ADAM9: variants seen among roughly 807,000 people sequenced by gnomAD.
ADAM9 encodes the protein disintegrin and metalloproteinase domain-containing protein 9.
In ADAM9, 54 loss-of-function variants were observed where a neutral mutation model predicts 108.1. That is an observed-to-expected ratio of 0.50 (90% CI 0.40 to 0.63). ADAM9 has a LOEUF of 0.63. ADAM9 is among the 20% of genes least tolerant of loss of function. The probability of loss-of-function intolerance (pLI) is 0.00; values close to 1 mark genes in which losing one functional copy is unlikely to be tolerated. For missense variants in ADAM9, 830 were observed against 997.7 expected, an observed-to-expected ratio of 0.83 and a Z score of 2.26; for synonymous variants, 316 against 336.0, an observed-to-expected ratio of 0.94 and a Z score of 0.65.
intron 2 of ADAM9, 65 bp from the exon 3 acceptor site, chr8:39,011,593 T>G: frequency 3.8e-4 from 542 of 1,411,968 alleles, no homozygotes; most frequent in Non-Finnish European, 4.9e-4. Flanking sequence ...ATCTTATAAA[T>G]GAGATGTTGT....
At position 39,101,884 on chromosome 8, in the gene ADAM9, G is replaced by T; in HGVS notation, c.2320G>T (p.Ala774Ser). The part of the protein sequence containing the change: ...REVPIYANRF[A>S]VPTYAAKQPQ... ...TTAGCCTATATATGCAAACAGATTT[G>T]CAGTACCAACCTATGCAGCCAAGCA... The change falls in exon 21 of 22, where the codon GCA becomes TCA. Residue 774 changes from alanine to serine, a missense_variant. Ala to Ser is a moderately conservative substitution (Grantham distance 99). This residue lies in a region of ADAM9 where 238 missense variants were observed against 235.7 expected (regional missense o/e 1.01). Coordinates refer to ENST00000487273, the MANE Select transcript of ADAM9 (RefSeq NM_003816.3). 1 of 1,612,828 alleles carries T rather than the reference G, an allele frequency of 6.2e-7. No individual in the cohort carries two copies. Among genetic ancestry groups the T allele is most frequent in the South Asian group, 1.1e-5 (1 of 90,944 alleles).
chr8:39,088,407 A>C (rs1020128681), intron 18 of ADAM9, among the ~76,000 whole-genome samples: 2 of 151,846 alleles, frequency 1.3e-5, no homozygotes, highest in Admixed American at 6.6e-5. Flanking sequence ...GGCGCCTGCC[A>C]CCACGCCCAG....
intron 14 of ADAM9, among the ~76,000 whole-genome samples, chr8:39,059,412 C>T (rs1838225625): frequency 2.5e-5 from 1 of 39,816 alleles, no homozygotes; most frequent in African/African-American, 1.1e-4. Flanking sequence ...AATTTGGGCA[C>T]TTAGCAGCAA....
In ADAM9 at chr8:39,104,445, CA is replaced by C. The variant is rs1300253369; in HGVS notation, c.*747del. On this transcript the variant is annotated 3_prime_UTR_variant, in exon 22 of 22. Coordinates refer to ENST00000487273, the MANE Select transcript of ADAM9 (RefSeq NM_003816.3). ...CATGTGAAAGCATGACATTCGTTCA[CA>C]ATAGCACTATTTTAAATAAATTATA... 2.4e-6 allele frequency: 1 copy of C among 413,906 alleles called. No individual in the cohort carries two copies. Among genetic ancestry groups the C allele is most frequent in the Non-Finnish European group, 4.8e-6 (1 of 209,098 alleles). 25.6% of individuals were successfully genotyped at this position (413,906 alleles called of 1,614,324 possible). A position where few individuals can be genotyped will look rare whatever the true frequency, so the allele number is the denominator to read the frequency against.
At chr8:39,083,690 A>C (rs1262845868) in intron 18 of ADAM9, among the ~76,000 whole-genome samples, 1 of 152,108 alleles carries the variant, frequency 6.6e-6, no homozygotes, top group Non-Finnish European at 1.5e-5. Flanking sequence ...ATTTCCTTCT[A>C]TTGCTTTTCT....
In ADAM9 at chr8:39,065,439, G is replaced by A. The variant is rs372857154; in HGVS notation, c.1592-5859G>A. ...GGAGGCTGAGGTGGGCGGATCACAA[G>A]GTCAGGAGATTGAGACCATCCTGGC... is the stretch of plus-strand genomic sequence containing the variant. On this transcript the variant is annotated intron_variant, in intron 14 of 21. Coordinates refer to ENST00000487273, the MANE Select transcript of ADAM9 (RefSeq NM_003816.3). 3.0e-4 allele frequency among the ~76,000 whole-genome samples: 46 copies of A among 151,794 alleles called. No homozygotes were observed. In the East Asian group the frequency reaches 8.5e-3, roughly 28 times the overall value.
chr8:39,045,387 T>TGTGTCTACACACCTATATGTAC lies in ADAM9; in HGVS notation c.1302+3274_1302+3275insCTACACACCTATATGTACGTGT, dbSNP rs1564301265. On this transcript the variant is annotated intron_variant, in intron 12 of 21. Coordinates refer to ENST00000487273, the MANE Select transcript of ADAM9 (RefSeq NM_003816.3). ...AGGTGTGTGTACATACACCTATAGG[T>TGTGTCTACACACCTATATGTAC]GTGTGTACACACACCTATATGTGCG... 3.0e-4 allele frequency among the ~76,000 whole-genome samples: 14 copies of TGTGTCTACACACCTATATGTAC among 46,706 alleles called. 1 individual carries two copies. The highest frequency in any genetic ancestry group is 8.0e-4 in the African/African-American group (13 of 16,326). 30.6% of individuals were successfully genotyped at this position (46,706 alleles called of 152,430 possible).
At chr8:39,008,372 C>T (rs759356148) in intron 2 of ADAM9, among the ~76,000 whole-genome samples, 4 of 152,042 alleles carry the variant, frequency 2.6e-5, no homozygotes, top group African/African-American at 7.2e-5. Flanking sequence ...CAGGGTTTCA[C>T]CATGTTGGCC....
chr8:39,045,069 CAT>C lies in ADAM9; in HGVS notation c.1302+2955_1302+2956del, dbSNP rs1837604161. ...ATGTGTATGTGTGTGTGCATACATA[CAT>C]ATGTGTGTGTGCATACATACATATG... On this transcript the variant is annotated intron_variant, in intron 12 of 21. Transcript: ENST00000487273. Among the ~76,000 whole-genome samples the C allele has an allele frequency of 2.1e-4, 4 of 19,196 alleles. 1 individual carries two copies. Among genetic ancestry groups the C allele is most frequent in the African/African-American group, 6.1e-4 (2 of 3,258 alleles). 12.6% of individuals were successfully genotyped at this position (19,196 alleles called of 152,430 possible).
chr8:39,097,625 C>T (rs750016616), intron 20 of ADAM9, among the ~76,000 whole-genome samples: 2 of 151,654 alleles, frequency 1.3e-5, no homozygotes, highest in South Asian at 4.2e-4. Flanking sequence ...TATTTTAAGT[C>T]TTTTTTTTAA....
rs1839057802 is a variant in ADAM9, at chr8:39,082,623, CA to C, written c.1882-17del. On this transcript the variant is annotated splice_polypyrimidine_tract_variant and intron_variant, in intron 16 of 21. Transcript: ENST00000487273. ...GTGCTCAATCTTTCTTTACTTAGTT[CA>C]TTTTTTTTTTTTTCAGATCTGTAGA... 1 of 1,484,164 alleles carries C rather than the reference CA, an allele frequency of 6.7e-7. No homozygotes were observed. Among genetic ancestry groups the C allele is most frequent in the South Asian group, 1.1e-5 (1 of 87,468 alleles). The allele number at this position is 1,484,164 out of a possible 1,614,324, so 91.9% of individuals were successfully genotyped here. A position where few individuals can be genotyped will look rare whatever the true frequency, so the allele number is the denominator to read the frequency against.
Position 38,997,130 on chromosome 8 carries a change from G to C in ADAM9, c.67G>C (p.Val23Leu). Residue 23 changes from valine (V) to leucine (L), a missense_variant, in exon 1 of 22, where the codon GTG becomes CTG. Physicochemically the swap from Val to Leu is conservative, Grantham distance 32. Around this residue, in one of 3 missense-constraint regions of ADAM9, gnomAD observed 211 missense variants for 222.2 expected, o/e 0.95. Coordinates refer to ENST00000487273, the MANE Select transcript of ADAM9 (RefSeq NM_003816.3). The part of the protein sequence containing the change: ...RVRWLLLLGL[V>L]GPVLGAARPG... Reference sequence around the variant, plus strand: ...CCGGTGGTTGCTGTTGCTTGGCCTGGTGGGCCCAGTCCTCGGTGCGGCGCG... The same window carrying C: ...CCGGTGGTTGCTGTTGCTTGGCCTGCTGGGCCCAGTCCTCGGTGCGGCGCG... 2 of 1,603,684 alleles carry C rather than the reference G, an allele frequency of 1.2e-6. No homozygotes were observed. The highest frequency in any genetic ancestry group is 8.5e-7 in the Non-Finnish European group (1 of 1,179,482).
At chr8:39,016,930 G>C in intron 5 of ADAM9, 1 of 414,058 alleles carries the variant, frequency 2.4e-6, no homozygotes, top group Non-Finnish European at 4.5e-6. Flanking sequence ...CTTGTCCTCT[G>C]GTCCGGATGC....
rs1485543920 is a variant in ADAM9, at chr8:38,997,287, G to T, written c.97+127G>T. Reference sequence around the variant, plus strand: ...GATCGGACCCGGGGTCGGGGGGCGCGGCCGCTCCAGGTGTGTGCGGACCGG... The same window carrying T: ...GATCGGACCCGGGGTCGGGGGGCGCTGCCGCTCCAGGTGTGTGCGGACCGG... On this transcript the variant is annotated intron_variant, in intron 1 of 21. Transcript: ENST00000487273. 8 of 1,110,596 alleles carry T rather than the reference G, an allele frequency of 7.2e-6. 1 individual carries two copies. The highest frequency in any genetic ancestry group is 6.4e-5 in the Admixed American group (3 of 47,050). 68.8% of individuals were successfully genotyped at this position (1,110,596 alleles called of 1,614,324 possible).
intron 11 of ADAM9, among the ~76,000 whole-genome samples, chr8:39,039,154 G>A (rs774271274): frequency 2.6e-5 from 4 of 152,092 alleles, no homozygotes; most frequent in Non-Finnish European, 2.9e-5. Flanking sequence ...GCTATAGATA[G>A]GGCTGCTTCT....
intron 8 of ADAM9, among the ~76,000 whole-genome samples, chr8:39,022,775 G>A (rs558324025): frequency 7.2e-5 from 11 of 151,992 alleles, no homozygotes; most frequent in South Asian, 2.1e-4. Context: ...GTCCAGTGGC[G>A]CAATCTCGGC....
At chr8:39,020,289 C>A (rs1334024899) in intron 7 of ADAM9, among the ~76,000 whole-genome samples, 1 of 151,760 alleles carries the variant, frequency 6.6e-6, no homozygotes, top group East Asian at 1.9e-4. Context: ...ACAAAATGTT[C>A]TTCTTCATTG....
rs1458535747 is a variant in ADAM9 at position 39,045,167 on chromosome 8, T to C, written c.1302+3050T>C. Among the ~76,000 whole-genome samples, 5 of 124,956 alleles carry C rather than the reference T, an allele frequency of 4.0e-5. 1 individual carries two copies. Among genetic ancestry groups the C allele is most frequent in the Non-Finnish European group, 7.3e-5 (4 of 54,626 alleles). The allele number at this position is 124,956 out of a possible 152,430, so 82.0% of individuals were successfully genotyped here. On this transcript the variant is annotated intron_variant, in intron 12 of 21. Transcript: ENST00000487273. ...GTGTATATATGTGTATACATACATA[T>C]ATGTGTATATATGTGTATACATACA... is the stretch of plus-strand genomic sequence containing the variant.
chr8:39,064,425 A>G (rs1838393231), intron 14 of ADAM9, among the ~76,000 whole-genome samples: 1 of 152,150 alleles, frequency 6.6e-6, no homozygotes, highest in African/African-American at 2.4e-5. Context: ...CATATTATAT[A>G]TATGTTTATT....
Sources: gnomAD v4.1 joint callset for allele counts (sites outside exome capture counted in the v4.1 genomes callset) on GRCh38, gnomAD v4.1.1 for gene constraint, gnomAD v4.1.1 regional missense constraint, MANE v1.5 for transcripts, NCBI Gene and HGNC (gene_info 2026-07-23, HGNC 2026-07-21) for gene names.